NWD2: variants seen among roughly 807,000 people sequenced by gnomAD.
NWD2 encodes the protein NACHT and WD repeat domain containing 2, also known as NACHT and WD repeat domain-containing protein 2.
NWD2 carries 37 observed loss-of-function variants against 132.7 expected under a neutral mutation model. The ratio of observed to expected loss-of-function variants is 0.28; its 90% confidence interval spans 0.21 to 0.37. NWD2 has a LOEUF of 0.37. Ranked by LOEUF, NWD2 falls within the 10% of genes least tolerant of loss-of-function variation. The pLI, the probability that NWD2 is intolerant of heterozygous loss-of-function variation, is 1.00. For missense variants in NWD2, 1,592 were observed against 2,122.4 expected, an observed-to-expected ratio of 0.75 and a Z score of 4.91; for synonymous variants, 705 against 803.0, an observed-to-expected ratio of 0.88 and a Z score of 2.06.
chr4:37,439,718 C>A lies in NWD2; in HGVS notation c.1296+328C>A, dbSNP rs950174660. 6.6e-6 allele frequency among the ~76,000 whole-genome samples: 1 copy of A among 152,198 alleles called. No individual in the cohort carries two copies. Among genetic ancestry groups the A allele is most frequent in the Non-Finnish European group, 1.5e-5 (1 of 68,038 alleles). On this transcript the variant is annotated intron_variant, in intron 6 of 6. Transcript: ENST00000309447. The surrounding 1 kb of genome is among the most constrained non-coding windows in gnomAD (Gnocchi z 4.5). ...CTCATTCCTTTCAGACAAGGACAAGCCCTCTGGTCACTCCAGTCTGCTAAA... is the reference window on the plus strand; with the variant it reads ...CTCATTCCTTTCAGACAAGGACAAGACCTCTGGTCACTCCAGTCTGCTAAA...
chr4:37,334,180 A>G (rs865930560), intron 2 of NWD2, among the ~76,000 whole-genome samples: 4 of 152,244 alleles, frequency 2.6e-5, no homozygotes, highest in Non-Finnish European at 5.9e-5. Flanking sequence ...TAGAAAGATC[A>G]GTATTCAAGT....
At chr4:37,346,486 G>A (rs778721112) in intron 2 of NWD2, among the ~76,000 whole-genome samples, 15 of 152,032 alleles carry the variant, frequency 9.9e-5, no homozygotes, top group Non-Finnish European at 2.2e-4. Flanking sequence ...GATTGTTTTG[G>A]TCATCTTGGG....
At chr4:37,365,338 G>C (rs559607466) in intron 3 of NWD2, among the ~76,000 whole-genome samples, 2 of 152,056 alleles carry the variant, frequency 1.3e-5, no homozygotes, top group Non-Finnish European at 2.9e-5. Flanking sequence ...AAGTGCAGGG[G>C]GGTTTGTATC....
At chr4:37,441,029 T>C (rs900779552) in intron 6 of NWD2, among the ~76,000 whole-genome samples, 5 of 152,210 alleles carry the variant, frequency 3.3e-5, no homozygotes, top group African/African-American at 7.2e-5. Context: ...TGCATTACAC[T>C]GTATGTGAGG....
chr4:37,278,814 A>G (rs960957637), intron 1 of NWD2, among the ~76,000 whole-genome samples: 1 of 152,152 alleles, frequency 6.6e-6, no homozygotes, highest in African/African-American at 2.4e-5. Flanking sequence ...TGACTTTCCT[A>G]CCAAAGATTC....
At position 37,393,190 on chromosome 4, in the gene NWD2, G is replaced by A. The variant is rs1199894147; in HGVS notation, c.357+36708G>A. ...CACTTTAGGCTAGGAGGAAACATCC[G>A]GGGGTTGGGGGGAGACTCTGACCTT... On this transcript the variant is annotated intron_variant, in intron 3 of 6. Coordinates refer to ENST00000309447, the MANE Select transcript of NWD2 (RefSeq NM_001144990.2). 1.0e-3 allele frequency among the ~76,000 whole-genome samples: 3 copies of A among 2,994 alleles called. No homozygotes were observed. In the Non-Finnish European group the frequency reaches 0.029, roughly 29 times the overall value. The allele number at this position is 2,994 out of a possible 152,430, so 2.0% of individuals were successfully genotyped here. A position where few individuals can be genotyped will look rare whatever the true frequency, so the allele number is the denominator to read the frequency against.
At chr4:37,329,594 A>G in intron 2 of NWD2, among the ~76,000 whole-genome samples, 1 of 150,964 alleles carries the variant, frequency 6.6e-6, no homozygotes, top group Non-Finnish European at 1.5e-5. Context: ...CAGTCTGGAC[A>G]ACAGAGTGAG....
In NWD2 at chr4:37,294,711, T is replaced by C. The variant is rs374673794; in HGVS notation, c.152-31225T>C. ...TAAGGATAAGGTCAGACTTGCTTCA[T>C]GATTGATGAAATACACAGAAATCAT... On this transcript the variant is annotated intron_variant, in intron 1 of 6. Coordinates refer to ENST00000309447, the MANE Select transcript of NWD2 (RefSeq NM_001144990.2). Among the ~76,000 whole-genome samples, 4 of 152,382 alleles carry C rather than the reference T, an allele frequency of 2.6e-5. No homozygotes were observed. In the East Asian group the frequency reaches 7.7e-4, roughly 29 times the overall value.
intron 3 of NWD2, among the ~76,000 whole-genome samples, chr4:37,384,876 G>T (rs17603961): frequency 0.084 from 12,806 of 152,192 alleles, 943 homozygotes; most frequent in East Asian, 0.25. Context: ...CTAAGTCAGG[G>T]TTGGAATCCT....
intron 1 of NWD2, among the ~76,000 whole-genome samples, chr4:37,318,599 C>A (rs948386078): frequency 1.3e-5 from 2 of 152,040 alleles, no homozygotes; most frequent in African/African-American, 4.8e-5. Flanking sequence ...TCCCTACCTC[C>A]CCCACAGAAG....
intron 3 of NWD2, among the ~76,000 whole-genome samples, chr4:37,390,586 C>T (rs1158049612): frequency 6.6e-6 from 1 of 152,110 alleles, no homozygotes; most frequent in Non-Finnish European, 1.5e-5. Flanking sequence ...GTCACCTGGG[C>T]ATCATGATGT....
chr4:37,368,312 G>A (rs919908940), intron 3 of NWD2, among the ~76,000 whole-genome samples: 1 of 152,028 alleles, frequency 6.6e-6, no homozygotes, highest in Non-Finnish European at 1.5e-5. Context: ...ATCTAATTAC[G>A]ATGCAAGGTC....
intron 3 of NWD2, among the ~76,000 whole-genome samples, chr4:37,409,631 G>T (rs1247857599): frequency 6.6e-6 from 1 of 152,070 alleles, no homozygotes; most frequent in Middle Eastern, 3.2e-3. Context: ...GCAAGCCAAC[G>T]TTCAAATTCA....
At chr4:37,366,349 T>C (rs1285970989) in intron 3 of NWD2, among the ~76,000 whole-genome samples, 1 of 152,138 alleles carries the variant, frequency 6.6e-6, no homozygotes, top group Non-Finnish European at 1.5e-5. Flanking sequence ...AATGGGAATG[T>C]GATAAGCCTC....
At chr4:37,379,290 C>T (rs1210072178) in intron 3 of NWD2, among the ~76,000 whole-genome samples, 1 of 152,124 alleles carries the variant, frequency 6.6e-6, no homozygotes, top group Non-Finnish European at 1.5e-5. Flanking sequence ...ACACATCCAA[C>T]ATAATTCTGT....
At chr4:37,324,206 C>A (rs993288323) in intron 1 of NWD2, among the ~76,000 whole-genome samples, 7 of 151,986 alleles carry the variant, frequency 4.6e-5, no homozygotes, top group African/African-American at 1.7e-4. Context: ...ATCCTCCTTC[C>A]AATTGTGCAT....
Position 37,356,540 on chromosome 4 carries a change from G to T in NWD2, c.357+58G>T, listed in dbSNP as rs557842579. ...CTTTTAGATGAATGTGAGAATTATT[G>T]CTGATTTGTGATTCATAAGGGGTTT... On this transcript the variant is annotated intron_variant, in intron 3 of 6. Transcript: ENST00000309447. 168 of 1,114,714 alleles carry T rather than the reference G, an allele frequency of 1.5e-4. 3 individuals carry two copies. The Admixed American group carries it at 3.4e-3, about 23-fold the overall frequency. 69.1% of individuals were successfully genotyped at this position (1,114,714 alleles called of 1,614,324 possible).
intron 3 of NWD2, among the ~76,000 whole-genome samples, chr4:37,407,961 G>A (rs1721078653): frequency 6.6e-6 from 1 of 152,152 alleles, no homozygotes; most frequent in Non-Finnish European, 1.5e-5. Flanking sequence ...CCCAAGGGAA[G>A]CCATGAGGAA....
intron 2 of NWD2, among the ~76,000 whole-genome samples, chr4:37,330,113 A>G (rs1280117958): frequency 1.3e-5 from 2 of 152,166 alleles, no homozygotes; most frequent in African/African-American, 4.8e-5. Context: ...CCTTTTATCT[A>G]TGTGCCTGTT....
Sources: allele counts gnomAD v4.1 joint callset (sites outside exome capture counted in the v4.1 genomes callset), GRCh38; gene constraint gnomAD v4.1.1; non-coding constraint Gnocchi (gnomAD v3.1); transcripts MANE v1.5; gene names NCBI Gene and HGNC (gene_info 2026-07-23, HGNC 2026-07-21).